CRACD: variants seen among roughly 807,000 people sequenced by gnomAD.
The protein encoded by CRACD is capping protein inhibiting regulator of actin dynamics.
In CRACD, 56 loss-of-function variants were observed where a neutral mutation model predicts 106.8. That is an observed-to-expected ratio of 0.52 (90% CI 0.42 to 0.66). CRACD has a LOEUF of 0.66. CRACD is among the 30% of genes least tolerant of loss of function. The probability of loss-of-function intolerance (pLI) is 0.00; values close to 1 mark genes in which losing one functional copy is unlikely to be tolerated. For synonymous variants in CRACD, 754 were observed against 670.8 expected (o/e 1.12, Z -1.92); for missense variants, 1,730 against 1,623.2 (o/e 1.07, Z -1.13).
At chr4:56,213,466 A>C (rs1738512541) in intron 2 of CRACD, among the ~76,000 whole-genome samples, 1 of 152,176 alleles carries the variant, frequency 6.6e-6, no homozygotes, top group Non-Finnish European at 1.5e-5. Flanking sequence ...ATAAAATAAA[A>C]TAAAAGAGTT....
At chr4:56,107,396 G>A (rs1348666650) in intron 1 of CRACD, among the ~76,000 whole-genome samples, 2 of 152,156 alleles carry the variant, frequency 1.3e-5, no homozygotes, top group African/African-American at 4.8e-5. Flanking sequence ...GGGATATTAA[G>A]TTTATGATGC....
At chr4:56,113,662 G>A (rs533739135) in intron 1 of CRACD, among the ~76,000 whole-genome samples, 63 of 152,176 alleles carry the variant, frequency 4.1e-4, no homozygotes, top group Admixed American at 7.9e-4. Flanking sequence ...TCATCATAGC[G>A]TTTATCTCAG....
chr4:56,108,395 G>A (rs1160262816), intron 1 of CRACD, among the ~76,000 whole-genome samples: 2 of 152,140 alleles, frequency 1.3e-5, no homozygotes, highest in Non-Finnish European at 2.9e-5. Context: ...AATTCAAATT[G>A]GGAGAATATA....
At chr4:56,145,000 C>T (rs1170415868) in intron 1 of CRACD, among the ~76,000 whole-genome samples, 1 of 152,134 alleles carries the variant, frequency 6.6e-6, no homozygotes, top group African/African-American at 2.4e-5. Context: ...GTTGGCCAGG[C>T]TGGTCCTGAA....
chr4:56,139,615 C>T (rs935883963), intron 1 of CRACD, among the ~76,000 whole-genome samples: 2 of 152,140 alleles, frequency 1.3e-5, no homozygotes, highest in African/African-American at 4.8e-5. Flanking sequence ...TGTAGCCTGC[C>T]TCAGAAGGCG....
intron 4 of CRACD, among the ~76,000 whole-genome samples, chr4:56,305,766 C>G (rs1003424969): frequency 1.6e-4 from 24 of 152,252 alleles, no homozygotes; most frequent in African/African-American, 5.5e-4. Flanking sequence ...GGAGGGGACC[C>G]TTGGGCTTAT....
rs771459363 is a variant in CRACD at position 56,316,614 on chromosome 4, A to G, written c.3112A>G (p.Arg1038Gly). 11 of 1,613,278 alleles carry G rather than the reference A, an allele frequency of 6.8e-6. No homozygotes were observed. The highest frequency in any genetic ancestry group is 9.3e-6 in the Non-Finnish European group (11 of 1,179,904). The change falls in exon 8 of 11, where the codon AGG (arginine) becomes GGG (glycine). Residue 1038 changes from arginine (R) to glycine (G), a missense_variant. Around this residue, in one of 5 missense-constraint regions of CRACD, gnomAD observed 1,620 missense variants for 1,481.6 expected, o/e 1.09. Coordinates refer to ENST00000682029, the MANE Select transcript of CRACD (RefSeq NM_001393381.1). ...GGACGAGGAGGAAGAGGCGACAGAGAGGAAACCTGCTTCCCCACCTCTGCC... is the reference window on the plus strand; with the variant it reads ...GGACGAGGAGGAAGAGGCGACAGAGGGGAAACCTGCTTCCCCACCTCTGCC... ...KRDEEEEATE[R>G]KPASPPLPAT...
intron 6 of CRACD, among the ~76,000 whole-genome samples, chr4:56,312,032 A>G (rs781620163): frequency 3.3e-5 from 5 of 151,632 alleles, no homozygotes; most frequent in African/African-American, 4.9e-5. Flanking sequence ...CCATTCCACA[A>G]TTCATCCTTT....
chr4:56,060,485 G>A (rs79993144), intron 1 of CRACD, among the ~76,000 whole-genome samples: 6,961 of 152,090 alleles, frequency 0.046, 220 homozygotes, highest in African/African-American at 0.083. Flanking sequence ...AACAGATGGA[G>A]GCAGGGTGGA....
intron 2 of CRACD, among the ~76,000 whole-genome samples, chr4:56,257,059 C>T (rs976265362): frequency 6.7e-6 from 1 of 150,336 alleles, no homozygotes; most frequent in Admixed American, 6.6e-5. Context: ...GTATTTTACC[C>T]TGCAGTATAT....
chr4:56,212,849 C>A (rs1307105838), intron 2 of CRACD, among the ~76,000 whole-genome samples: 2 of 152,150 alleles, frequency 1.3e-5, no homozygotes, highest in African/African-American at 4.8e-5. Flanking sequence ...TGGATCCAAG[C>A]CAGTTAATTA....
chr4:56,182,169 C>T (rs1392517675), intron 2 of CRACD, among the ~76,000 whole-genome samples: 1 of 151,754 alleles, frequency 6.6e-6, no homozygotes, highest in Non-Finnish European at 1.5e-5. Context: ...TCACTTGAGC[C>T]GAAGAGTTCG....
intron 2 of CRACD, among the ~76,000 whole-genome samples, chr4:56,188,285 AT>A (rs1288256397): frequency 6.6e-6 from 1 of 152,180 alleles, no homozygotes; most frequent in Non-Finnish European, 1.5e-5. Flanking sequence ...TGGAACCCCA[AT>A]TTCTAATAAT....
In CRACD at chr4:56,307,842, G is replaced by A. The variant is rs994658437; in HGVS notation, c.285+143G>A. The A allele has an allele frequency of 1.5e-5, 11 of 753,116 alleles. No homozygotes were observed. In the Admixed American group the frequency reaches 2.9e-4, roughly 20 times the overall value. The allele number at this position is 753,116 out of a possible 1,614,324, so 46.7% of individuals were successfully genotyped here. ...GCTCAGGGCTTGAGGGCACTTCCTGGTAGGTGTCCTGACCTGTAGCCAGTG... is the reference window on the plus strand; with the variant it reads ...GCTCAGGGCTTGAGGGCACTTCCTGATAGGTGTCCTGACCTGTAGCCAGTG... On this transcript the variant is annotated intron_variant, in intron 5 of 10. Coordinates refer to ENST00000682029, the MANE Select transcript of CRACD (RefSeq NM_001393381.1).
At chr4:56,323,828 A>G (rs967163740) in intron 9 of CRACD, among the ~76,000 whole-genome samples, 3 of 152,226 alleles carry the variant, frequency 2.0e-5, no homozygotes, top group Admixed American at 2.0e-4. Flanking sequence ...TACATGAGAA[A>G]CACAAACATT....
In CRACD at chr4:56,314,752, G is replaced by A. The variant is rs185302995; in HGVS notation, c.1250G>A (p.Gly417Glu). The stretch of plus-strand genomic sequence containing the variant: ...CAGGCGCACCTGGAGGACTGGAGGG[G>A]GCAGCTCAGTGAGCTTCTGAACGAC... ...EGQAHLEDWRGQLSELLNDFE... is the reference protein window; with the variant it reads ...EGQAHLEDWREQLSELLNDFE... Residue 417 changes from glycine to glutamate, a missense_variant, in exon 8 of 11, where the codon GGG becomes GAG. Physicochemically the swap from Gly to Glu is moderately conservative, Grantham distance 98. This residue lies in a region of CRACD where 1,620 missense variants were observed against 1,481.6 expected (regional missense o/e 1.09). Coordinates refer to ENST00000682029, the MANE Select transcript of CRACD (RefSeq NM_001393381.1). This position sits in a 1 kb window ranked among gnomAD's most constrained non-coding sequence, Gnocchi z 4.4. The A allele has an allele frequency of 4.4e-6, 7 of 1,587,078 alleles. No homozygotes were observed. The highest frequency in any genetic ancestry group is 2.3e-5 in the East Asian group (1 of 44,088).
At chr4:56,070,847 CTGTGTGTG>C (rs60372588) in intron 1 of CRACD, among the ~76,000 whole-genome samples, 31 of 120,432 alleles carry the variant, frequency 2.6e-4, no homozygotes, top group African/African-American at 4.9e-4. Context: ...AGGGGCTATG[CTGTGTGTG>C]TGTGTGTGTG....
intron 2 of CRACD, among the ~76,000 whole-genome samples, chr4:56,197,913 C>A (rs1415614857): frequency 2.6e-5 from 4 of 152,098 alleles, no homozygotes; most frequent in African/African-American, 9.7e-5. Context: ...TCCTGACCTT[C>A]TGATCCGCCC....
At chr4:56,310,969 C>T in intron 6 of CRACD, 1 of 508,896 alleles carries the variant, frequency 2.0e-6, no homozygotes, top group Non-Finnish European at 3.5e-6. Flanking sequence ...TCCCAGCATG[C>T]CTGTGTTTGG....
Sources: allele counts gnomAD v4.1 joint callset (sites outside exome capture counted in the v4.1 genomes callset), GRCh38; gene constraint gnomAD v4.1.1; regional missense constraint gnomAD v4.1.1; non-coding constraint Gnocchi (gnomAD v3.1); transcripts MANE v1.5; gene names NCBI Gene and HGNC (gene_info 2026-07-23, HGNC 2026-07-21).